The following VGLL4 variants were observed in gnomAD, a reference collection of about 807,000 sequenced individuals.
The protein encoded by VGLL4 is vestigial like family member 4.
In VGLL4, 7 loss-of-function variants were observed where a neutral mutation model predicts 21.0. The observed-to-expected ratio is 0.33, with a 90% CI of 0.19 to 0.63. VGLL4 has a LOEUF of 0.63. Ranked by LOEUF, VGLL4 falls within the 20% of genes least tolerant of loss-of-function variation. The pLI, the probability that VGLL4 is intolerant of heterozygous loss-of-function variation, is 0.78. For synonymous variants in VGLL4, 222 were observed against 173.2 expected (o/e 1.28, Z -2.21); for missense variants, 394 against 425.7 (o/e 0.93, Z 0.66).
At position 11,604,522 on chromosome 3, in the gene VGLL4, C is replaced by T. The variant is rs1280127617; in HGVS notation, c.83-2500G>A. ...GGGGCCCCTCCCTAGATGGCCTTAA[C>T]CCAACACTTGTATGTTAGACAAGAG... On this transcript the variant is annotated intron_variant, in intron 1 of 4. Transcript: ENST00000430365. 4.2e-6 allele frequency: 4 copies of T among 946,882 alleles called. 1 individual carries two copies. Among genetic ancestry groups the T allele is most frequent in the Non-Finnish European group, 3.7e-6 (3 of 800,826 alleles). 58.7% of individuals were successfully genotyped at this position (946,882 alleles called of 1,614,324 possible). A position where few individuals can be genotyped will look rare whatever the true frequency, so the allele number is the denominator to read the frequency against.
chr3:11,702,733 AAAAAAAAAAAAC>A (rs928745097), intron 2 of VGLL4: 8 of 227,966 alleles, frequency 3.5e-5, no homozygotes, highest in African/African-American at 6.9e-5. Context: ...TCCCATCTCA[AAAAAAAAAAAAC>A]AAAAAAAAAA....
chr3:11,557,806 C>G lies in VGLL4; in HGVS notation c.*750G>C, dbSNP rs544863289. The stretch of plus-strand genomic sequence containing the variant: ...CTCTAGTCTAACAAACTGCAGTGTT[C>G]AGAGAAGATAAAATGCCCGTGATTG... On this transcript the variant is annotated 3_prime_UTR_variant, in exon 5 of 5. Coordinates refer to ENST00000430365, the MANE Select transcript of VGLL4 (RefSeq NM_001128219.3). 2 of 152,610 alleles carry G rather than the reference C, an allele frequency of 1.3e-5. No individual in the cohort carries two copies. Among genetic ancestry groups the G allele is most frequent in the African/African-American group, 2.4e-5 (1 of 41,432 alleles). 9.5% of individuals were successfully genotyped at this position (152,610 alleles called of 1,614,324 possible).
chr3:11,719,957 C>CG lies in VGLL4; in HGVS notation c.-14+436dup, dbSNP rs74774945. Reference sequence around the variant, plus strand: ...GTGGACACGGCATCTCGCACGCCCCCGCCCCCGAGGCCCCGCCAGGGGACA... The same window carrying CG: ...GTGGACACGGCATCTCGCACGCCCCCGGCCCCCGAGGCCCCGCCAGGGGACA... On this transcript the variant is annotated intron_variant, in intron 1 of 5. Coordinates refer to the VGLL4 transcript ENST00000273038. The surrounding 1 kb of genome is among the most constrained non-coding windows in gnomAD (Gnocchi z 4.0). Among the ~76,000 whole-genome samples, 152,197 of 152,208 alleles carry CG rather than the reference C, an allele frequency of 1. 76,093 individuals carry two copies. The highest frequency in any genetic ancestry group is 1 in the Middle Eastern group (292 of 292).
chr3:11,562,118 G>C (rs1454335149), intron 3 of VGLL4, among the ~76,000 whole-genome samples: 1 of 151,902 alleles, frequency 6.6e-6, no homozygotes, highest in African/African-American at 2.4e-5. Context: ...GGCTGGTCTC[G>C]AAATCCTGGC....
At chr3:11,651,349 A>T (rs2075869252) in intron 2 of VGLL4, among the ~76,000 whole-genome samples, 1 of 150,968 alleles carries the variant, frequency 6.6e-6, no homozygotes, top group South Asian at 2.1e-4. Context: ...AAAAAAAAAA[A>T]GAAAGAAAGA....
intron 1 of VGLL4, chr3:11,633,627 AC>A (rs1054212015): frequency 7.9e-5 from 12 of 152,624 alleles, no homozygotes; most frequent in African/African-American, 2.9e-4. Context: ...CCGAGATCGC[AC>A]CACTGCACTC....
intron 2 of VGLL4, among the ~76,000 whole-genome samples, chr3:11,588,230 C>T (rs984708169): frequency 1.3e-5 from 2 of 152,210 alleles, no homozygotes; most frequent in Non-Finnish European, 2.9e-5. Context: ...GTGCTACAGA[C>T]CTGAGCAAAT....
intron 2 of VGLL4, among the ~76,000 whole-genome samples, chr3:11,595,412 G>A (rs2074612182): frequency 6.6e-6 from 1 of 152,200 alleles, no homozygotes; most frequent in Non-Finnish European, 1.5e-5. Context: ...TTCAACCACT[G>A]TGGAAGTCAG....
chr3:11,675,702 C>A (rs2076279921), intron 2 of VGLL4, among the ~76,000 whole-genome samples: 1 of 152,112 alleles, frequency 6.6e-6, no homozygotes, highest in South Asian at 2.1e-4. Flanking sequence ...AAACTTAATT[C>A]TTTTTAGATA....
At chr3:11,559,581 ACTT>A in intron 3 of VGLL4, 126 bp from the exon 4 acceptor site, 1 of 1,344,130 alleles carries the variant, frequency 7.4e-7, no homozygotes, top group East Asian at 2.8e-5. Context: ...GCCACCTCCC[ACTT>A]CAATACTGGA....
At chr3:11,602,074 C>T in intron 1 of VGLL4, 52 bp from the exon 2 acceptor site, 1 of 1,443,820 alleles carries the variant, frequency 6.9e-7, no homozygotes, top group Non-Finnish European at 9.1e-7. Flanking sequence ...GCCCCCATCT[C>T]AGTCCCCCAG....
chr3:11,566,521 T>C (rs1419875915), intron 2 of VGLL4, among the ~76,000 whole-genome samples: 1 of 152,204 alleles, frequency 6.6e-6, no homozygotes, highest in Non-Finnish European at 1.5e-5. Flanking sequence ...GCACGGGCCT[T>C]GGTAGCCTCT....
chr3:11,568,350 C>T lies in VGLL4; in HGVS notation c.273-3331G>A, dbSNP rs546684789. ...TCACAGAGGAAAGGGGTGCCAGGGC[C>T]GCCAGCTGCCAGGGCAGAGGTAAGG... On this transcript the variant is annotated intron_variant, in intron 2 of 4. Coordinates refer to ENST00000430365, the MANE Select transcript of VGLL4 (RefSeq NM_001128219.3). The surrounding 1 kb of genome is among the most constrained non-coding windows in gnomAD (Gnocchi z 5.9). Among the ~76,000 whole-genome samples the T allele has an allele frequency of 3.9e-5, 6 of 152,302 alleles. No homozygotes were observed. The highest frequency in any genetic ancestry group is 1.3e-4 in the Admixed American group (2 of 15,308).
chr3:11,570,200 T>C (rs1253361517), intron 2 of VGLL4, among the ~76,000 whole-genome samples: 1 of 151,960 alleles, frequency 6.6e-6, no homozygotes, highest in Non-Finnish European at 1.5e-5. Flanking sequence ...ACACCGGCCC[T>C]GTGGCATCAG....
intron 2 of VGLL4, among the ~76,000 whole-genome samples, chr3:11,682,404 CA>C (rs34428676): frequency 0.059 from 3,698 of 62,176 alleles, 105 homozygotes; most frequent in African/African-American, 0.15. Context: ...GACCCTGTCT[CA>C]AAAAAAAAAA....
chr3:11,597,707 T>A (rs371886077), intron 2 of VGLL4, among the ~76,000 whole-genome samples: 1 of 152,120 alleles, frequency 6.6e-6, no homozygotes, highest in South Asian at 2.1e-4. Context: ...AAACCCCAGC[T>A]TTAGTCCATC....
In VGLL4 at chr3:11,664,664, T is replaced by C. The variant is rs530540973; in HGVS notation, c.64+38307A>G. 2.2e-4 allele frequency among the ~76,000 whole-genome samples: 34 copies of C among 152,300 alleles called. No homozygotes were observed. In the South Asian group the frequency reaches 3.7e-3, roughly 17 times the overall value. ...GGTCACCCATGAAACCTGGAGTGTG[T>C]ATCCATCTAATAACACCATTTACAT... On this transcript the variant is annotated intron_variant, in intron 2 of 5. Coordinates refer to the VGLL4 transcript ENST00000273038.
At chr3:11,629,415 A>G (rs2075428793) in intron 1 of VGLL4, among the ~76,000 whole-genome samples, 1 of 152,078 alleles carries the variant, frequency 6.6e-6, no homozygotes, top group African/African-American at 2.4e-5. Flanking sequence ...CTTCCAGGTA[A>G]AATTTCATAA....
At chr3:11,706,660 G>A (rs1485168440) in intron 1 of VGLL4, among the ~76,000 whole-genome samples, 1 of 152,158 alleles carries the variant, frequency 6.6e-6, no homozygotes, top group Non-Finnish European at 1.5e-5. Context: ...CCTGCCCCAG[G>A]CAGTCACTCT....
Sources: allele counts gnomAD v4.1 joint callset (sites outside exome capture counted in the v4.1 genomes callset), GRCh38; gene constraint gnomAD v4.1.1; non-coding constraint Gnocchi (gnomAD v3.1); transcripts MANE v1.5; gene names NCBI Gene and HGNC (gene_info 2026-07-23, HGNC 2026-07-21).